The following GXYLT1 variants were observed in gnomAD, a reference collection of about 807,000 sequenced individuals.
GXYLT1 encodes glycosyltransferase 8 domain containing 3.
GXYLT1 carries 29 observed loss-of-function variants against 54.0 expected under a neutral mutation model. The observed-to-expected ratio is 0.54, with a 90% CI of 0.40 to 0.73. GXYLT1 has a LOEUF of 0.73. Ranked by LOEUF, GXYLT1 falls within the 30% of genes least tolerant of loss-of-function variation. The pLI is 0.00. For synonymous variants in GXYLT1, 176 were observed against 204.1 expected (o/e 0.86, Z 1.17); for missense variants, 490 against 553.4 (o/e 0.89, Z 1.15).
intron 3 of GXYLT1, among the ~76,000 whole-genome samples, chr12:42,114,745 A>G (rs2065482332): frequency 6.6e-6 from 1 of 152,202 alleles, no homozygotes; most frequent in Admixed American, 6.5e-5. Context: ...ATTCCAATCA[A>G]TAGAAAAAGA....
At chr12:42,095,511 G>A (rs1445989525) in intron 7 of GXYLT1, among the ~76,000 whole-genome samples, 4 of 151,678 alleles carry the variant, frequency 2.6e-5, no homozygotes, top group African/African-American at 9.7e-5. Flanking sequence ...TATACACTAA[G>A]CTACCTTTTG....
chr12:42,113,774 C>T (rs1162742163), intron 3 of GXYLT1, among the ~76,000 whole-genome samples: 19 of 150,860 alleles, frequency 1.3e-4, no homozygotes, highest in East Asian at 7.7e-4. Context: ...CTGCACCAAG[C>T]GGACCTAATA....
chr12:42,098,380 G>C (rs2065369359), intron 5 of GXYLT1, among the ~76,000 whole-genome samples: 1 of 152,078 alleles, frequency 6.6e-6, no homozygotes, highest in South Asian at 2.1e-4. Flanking sequence ...AATTTAAAGT[G>C]CTTGGAATAG....
Position 42,097,999 on chromosome 12 carries a change from TCTCCCC to T in GXYLT1, c.893_898del (p.Trp298_Asp300delinsTyr), listed in dbSNP as rs1565566846. ...TTTTTTAAGCAATGGCATAAGTATATCTCCCCATTGTAGTCGTACAGTTGTCATATC... is the reference window on the plus strand; with the variant it reads ...TTTTTTAAGCAATGGCATAAGTATATATTGTAGTCGTACAGTTGTCATATC... On this transcript the variant is annotated inframe_deletion, in exon 6 of 8. Coordinates refer to ENST00000398675, the MANE Select transcript of GXYLT1 (RefSeq NM_173601.2). 6.2e-7 allele frequency: 1 copy of T among 1,608,284 alleles called. No individual in the cohort carries two copies.
intron 7 of GXYLT1, 39 bp from the exon 8 acceptor site, chr12:42,087,986 G>A: frequency 8.9e-7 from 1 of 1,123,812 alleles, no homozygotes; most frequent in Non-Finnish European, 1.3e-6. Context: ...AAATTTAAAA[G>A]GCAAAGGTAC....
Position 42,090,978 on chromosome 12 carries a change from T to C in GXYLT1, c.1162-3031A>G, listed in dbSNP as rs145371498. 2.9e-3 allele frequency among the ~76,000 whole-genome samples: 439 copies of C among 152,346 alleles called. 2 individuals are homozygous for C. The highest frequency in any genetic ancestry group is 9.3e-3 in the African/African-American group (387 of 41,590). On this transcript the variant is annotated intron_variant, in intron 7 of 7. Transcript: ENST00000398675. ...ATAAAAACAGATTTGCTGGTAGACA[T>C]AGCCATGAATTCACACTTTAAAGAT... is the stretch of plus-strand genomic sequence containing the variant.
intron 5 of GXYLT1, among the ~76,000 whole-genome samples, chr12:42,098,538 C>CAA (rs1210616323): frequency 2.0e-5 from 3 of 151,584 alleles, no homozygotes; most frequent in Non-Finnish European, 2.9e-5. Context: ...AATGCATACA[C>CAA]AACTTAAGTT....
At chr12:42,092,145 T>C (rs574920799) in intron 7 of GXYLT1, among the ~76,000 whole-genome samples, 1 of 152,340 alleles carries the variant, frequency 6.6e-6, no homozygotes, top group East Asian at 1.9e-4. Flanking sequence ...AGTGTTTTTA[T>C]TCTCACTGCT....
intron 1 of GXYLT1, among the ~76,000 whole-genome samples, chr12:42,138,558 T>A (rs2065634127): frequency 6.6e-6 from 1 of 151,778 alleles, no homozygotes; most frequent in Non-Finnish European, 1.5e-5. Flanking sequence ...AAAAAACTGG[T>A]AGAAAGCTTT....
At chr12:42,111,416 G>A (rs556128075) in intron 3 of GXYLT1, among the ~76,000 whole-genome samples, 19 of 152,268 alleles carry the variant, frequency 1.2e-4, no homozygotes, top group African/African-American at 3.4e-4. Context: ...TTGGAAAATC[G>A]GGTCACTCCC....
chr12:42,108,582 TC>T (rs1431257280), intron 4 of GXYLT1, among the ~76,000 whole-genome samples: 1 of 152,102 alleles, frequency 6.6e-6, no homozygotes, highest in East Asian at 1.9e-4. Flanking sequence ...CCAATCTTAA[TC>T]CCTTATTTGT....
At position 42,085,852 on chromosome 12, in the gene GXYLT1, A is replaced by T. The variant is rs956363674; in HGVS notation, c.*1934T>A. 7.7e-6 allele frequency: 1 copy of T among 129,224 alleles called. No homozygotes were observed. 8.0% of individuals were successfully genotyped at this position (129,224 alleles called of 1,614,324 possible). On this transcript the variant is annotated 3_prime_UTR_variant, in exon 8 of 8. Coordinates refer to ENST00000398675, the MANE Select transcript of GXYLT1 (RefSeq NM_173601.2). ...CAATGTATGGGATTTTAAGATACTT[A>T]AGCAAACAAAAAAATGACAAATGAA...
intron 3 of GXYLT1, among the ~76,000 whole-genome samples, chr12:42,114,090 A>T (rs905163678): frequency 6.6e-6 from 1 of 152,254 alleles, no homozygotes; most frequent in African/African-American, 2.4e-5. Context: ...ACCAGAACAA[A>T]GACACAACAT....
chr12:42,136,867 G>T (rs562422034), intron 1 of GXYLT1, among the ~76,000 whole-genome samples: 1 of 152,110 alleles, frequency 6.6e-6, no homozygotes, highest in South Asian at 2.1e-4. Context: ...TCAACCTCCT[G>T]GGCTCAAGCA....
At position 42,084,594 on chromosome 12, in the gene GXYLT1, C is replaced by G. The variant is rs948464957; in HGVS notation, c.*3192G>C. 1.3e-5 allele frequency: 2 copies of G among 152,308 alleles called. No homozygotes were observed. The highest frequency in any genetic ancestry group is 4.8e-5 in the African/African-American group (2 of 41,480). 9.4% of individuals were successfully genotyped at this position (152,308 alleles called of 1,614,324 possible). A position where few individuals can be genotyped will look rare whatever the true frequency, so the allele number is the denominator to read the frequency against. On this transcript the variant is annotated 3_prime_UTR_variant, in exon 8 of 8. Coordinates refer to ENST00000398675, the MANE Select transcript of GXYLT1 (RefSeq NM_173601.2). ...GGGTACACTGATTGTACTTAAAAAC[C>G]TAAGGCACAGAGAAGGGTAAATAAC...
chr12:42,088,354 G>C (rs2065309674), intron 7 of GXYLT1, among the ~76,000 whole-genome samples: 1 of 152,040 alleles, frequency 6.6e-6, no homozygotes, highest in African/African-American at 2.4e-5. Flanking sequence ...GGAATGGAAG[G>C]AAATGAAGTA....
At chr12:42,144,071 G>A (rs750176326) in intron 1 of GXYLT1, among the ~76,000 whole-genome samples, 18 of 152,100 alleles carry the variant, frequency 1.2e-4, no homozygotes, top group Non-Finnish European at 2.1e-4. Flanking sequence ...ATCTCAACTT[G>A]AACTCCACTG....
At chr12:42,089,931 AT>A (rs2065320032) in intron 7 of GXYLT1, among the ~76,000 whole-genome samples, 1 of 152,250 alleles carries the variant, frequency 6.6e-6, no homozygotes, top group Non-Finnish European at 1.5e-5. Context: ...GTGGCAGAAA[AT>A]TATGGGAAGC....
rs1323790152 is a variant in GXYLT1 at position 42,144,620 on chromosome 12, C to G, written c.27G>C (p.Val9=). The change falls in exon 1 of 8, where the codon GTG becomes GTC. Residue 9 remains valine, a synonymous_variant. Transcript: ENST00000398675. ...AGCAGAAGCCGCAGGCCACACACAGCACCACGACGCGCAGGTAGCGCCGCA... is the reference window on the plus strand; with the variant it reads ...AGCAGAAGCCGCAGGCCACACACAGGACCACGACGCGCAGGTAGCGCCGCA... MRRYLRVV[V]LCVACGFCSL... 1.4e-6 allele frequency: 2 copies of G among 1,474,260 alleles called. No homozygotes were observed. The highest frequency in any genetic ancestry group is 2.2e-5 in the Admixed American group (1 of 46,164). 91.3% of individuals were successfully genotyped at this position (1,474,260 alleles called of 1,614,324 possible).
Sources: gnomAD v4.1 joint callset for allele counts (sites outside exome capture counted in the v4.1 genomes callset) on GRCh38, gnomAD v4.1.1 for gene constraint, MANE v1.5 for transcripts, NCBI Gene and HGNC (gene_info 2026-07-23, HGNC 2026-07-21) for gene names.